Variants in ADGRL3 observed in about 807,000 individuals in gnomAD.
ADGRL3 encodes calcium-independent alpha-latrotoxin receptor 3.
ADGRL3 carries 62 observed loss-of-function variants against 153.5 expected under a neutral mutation model. The ratio of observed to expected loss-of-function variants is 0.40; its 90% CI spans 0.33 to 0.50. The LOEUF (loss-of-function observed/expected upper bound fraction) is 0.50. Ranked by LOEUF, ADGRL3 falls within the 20% of genes least tolerant of loss-of-function variation. ADGRL3 has a pLI of 0.47. For missense variants in ADGRL3, 1,641 were observed against 1,859.4 expected (o/e 0.88, Z 2.16); for synonymous variants, 710 against 672.5 (o/e 1.06, Z -0.86).
intron 2 of ADGRL3, among the ~76,000 whole-genome samples, chr4:61,475,301 G>T (rs1299991865): frequency 2.0e-5 from 3 of 152,150 alleles, no homozygotes; most frequent in Non-Finnish European, 4.4e-5. Flanking sequence ...GATAGTATTA[G>T]CTGGGATACA....
rs182681056 is a variant in ADGRL3 at position 61,744,902 on chromosome 4, C to T, written c.1399+11348C>T. Reference sequence around the variant, plus strand: ...TGAGTTGAGAGAAGAAGCCTTCAGACGATCAAACTACTCCGAGCTACAGGA... The same window carrying T: ...TGAGTTGAGAGAAGAAGCCTTCAGATGATCAAACTACTCCGAGCTACAGGA... On this transcript the variant is annotated intron_variant, in intron 8 of 26. Transcript: ENST00000683033. Among the ~76,000 whole-genome samples the T allele has an allele frequency of 9.5e-3, 1,438 of 152,158 alleles. 30 individuals carry two copies. Among genetic ancestry groups the T allele is most frequent in the African/African-American group, 0.033 (1,356 of 41,498 alleles).
At chr4:61,847,208 TATAAATC>T (rs2098127743) in intron 9 of ADGRL3, among the ~76,000 whole-genome samples, 1 of 152,034 alleles carries the variant, frequency 6.6e-6, no homozygotes, top group African/African-American at 2.4e-5. Flanking sequence ...TAAGTATCTT[TATAAATC>T]ATGTGGTTAT....
chr4:61,397,809 G>C (rs2096885733), intron 2 of ADGRL3, among the ~76,000 whole-genome samples: 1 of 151,872 alleles, frequency 6.6e-6, no homozygotes, highest in African/African-American at 2.4e-5. Context: ...TCCAAAGACA[G>C]ATTTTAAACT....
At chr4:61,519,023 C>T (rs773149798) in intron 4 of ADGRL3, among the ~76,000 whole-genome samples, 12 of 151,974 alleles carry the variant, frequency 7.9e-5, no homozygotes, top group Non-Finnish European at 1.6e-4. Flanking sequence ...TAACTAACTC[C>T]AATGCCTGTA....
chr4:61,655,863 A>T (rs555280437), intron 5 of ADGRL3, among the ~76,000 whole-genome samples: 1 of 152,320 alleles, frequency 6.6e-6, no homozygotes, highest in South Asian at 2.1e-4. Flanking sequence ...GAATGTTTGT[A>T]TCTTTAAATT....
intron 19 of ADGRL3, among the ~76,000 whole-genome samples, chr4:61,985,275 G>A (rs1236062806): frequency 6.7e-6 from 1 of 149,996 alleles, no homozygotes; most frequent in Non-Finnish European, 1.5e-5. Context: ...TTTTGAAATT[G>A]TAAAATGACC....
chr4:61,324,136 G>A (rs1159594967), intron 1 of ADGRL3, among the ~76,000 whole-genome samples: 2 of 152,098 alleles, frequency 1.3e-5, no homozygotes, highest in African/African-American at 2.4e-5. Context: ...CTGCCCCCAT[G>A]ATTCGGTCAT....
At chr4:61,550,405 C>T (rs1429539546) in intron 4 of ADGRL3, among the ~76,000 whole-genome samples, 1 of 151,912 alleles carries the variant, frequency 6.6e-6, no homozygotes, top group East Asian at 1.9e-4. Context: ...TTAAGAAAGA[C>T]AATTTTGAAC....
intron 25 of ADGRL3, 45 bp from the exon 26 acceptor site, chr4:62,068,121 C>T (rs1294271239): frequency 7.2e-7 from 1 of 1,385,260 alleles, no homozygotes; most frequent in Admixed American, 2.1e-5. Flanking sequence ...TCGCTGTAAG[C>T]TTACTTGTTG....
chr4:61,492,995 T>C (rs1028647033), intron 2 of ADGRL3, among the ~76,000 whole-genome samples: 12 of 152,104 alleles, frequency 7.9e-5, no homozygotes, highest in Non-Finnish European at 1.8e-4. Flanking sequence ...AGATAACCAC[T>C]AAGATTTTTA....
chr4:61,992,506 C>G (rs898692904), intron 19 of ADGRL3, among the ~76,000 whole-genome samples: 21 of 152,110 alleles, frequency 1.4e-4, no homozygotes, highest in African/African-American at 4.8e-4. Flanking sequence ...TTTGAGAAAG[C>G]CAGCATGTGG....
intron 17 of ADGRL3, among the ~76,000 whole-genome samples, chr4:61,972,497 G>A (rs1242666751): frequency 6.6e-6 from 1 of 152,124 alleles, no homozygotes; most frequent in African/African-American, 2.4e-5. Flanking sequence ...TGAGGGCTCT[G>A]TTCTGTTCCA....
intron 2 of ADGRL3, among the ~76,000 whole-genome samples, chr4:61,494,785 A>T (rs1467929708): frequency 6.6e-6 from 1 of 151,774 alleles, no homozygotes; most frequent in African/African-American, 2.4e-5. Context: ...TAAAGAGAAA[A>T]CTCTTTATAT....
intron 4 of ADGRL3, among the ~76,000 whole-genome samples, chr4:61,562,451 CAAA>C (rs1016763630): frequency 4.6e-5 from 7 of 152,154 alleles, no homozygotes; most frequent in African/African-American, 1.7e-4. Flanking sequence ...GAACTTCTTT[CAAA>C]ATTGAAGTCA....
intron 1 of ADGRL3, among the ~76,000 whole-genome samples, chr4:61,232,525 T>A (rs1370559113): frequency 1.3e-5 from 2 of 152,080 alleles, no homozygotes; most frequent in Non-Finnish European, 2.9e-5. Flanking sequence ...GCCAGGCTGG[T>A]CTCAAACTCC....
rs1044738104 is a variant in ADGRL3, at chr4:61,200,441, G to A, written c.-1564G>A. Among the ~76,000 whole-genome samples the A allele has an allele frequency of 6.6e-6, 1 of 151,734 alleles. No homozygotes were observed. Among genetic ancestry groups the A allele is most frequent in the Non-Finnish European group, 1.5e-5 (1 of 67,902 alleles). On this transcript the variant is annotated 5_prime_UTR_variant, in exon 1 of 27. Transcript: ENST00000683033. ...CGTCGCCCCCCTCGCCTGCTGGCCC[G>A]GCACCGCTCGCTCCAGTTCCCAGGA...
intron 25 of ADGRL3, among the ~76,000 whole-genome samples, chr4:62,045,607 A>C (rs923273392): frequency 3.9e-5 from 6 of 152,010 alleles, no homozygotes; most frequent in African/African-American, 1.4e-4. Context: ...AGTAAGTTTC[A>C]TCTTATCTAT....
intron 2 of ADGRL3, among the ~76,000 whole-genome samples, chr4:61,448,897 G>GAGA: frequency 7.1e-6 from 1 of 141,390 alleles, no homozygotes; most frequent in East Asian, 2.1e-4. Context: ...GAAGAAGGGA[G>GAGA]GGAGGGAGGG....
At chr4:61,812,415 C>G (rs375243426) in intron 8 of ADGRL3, among the ~76,000 whole-genome samples, 2 of 152,198 alleles carry the variant, frequency 1.3e-5, no homozygotes, top group Non-Finnish European at 2.9e-5. Context: ...GAGCTTATTA[C>G]AAGTCGAATA....
Sources: allele counts gnomAD v4.1 joint callset (sites outside exome capture counted in the v4.1 genomes callset), GRCh38; gene constraint gnomAD v4.1.1; transcripts MANE v1.5; gene names NCBI Gene and HGNC (gene_info 2026-07-23, HGNC 2026-07-21).